PARP4: variants seen among roughly 807,000 people sequenced by gnomAD.
PARP4 encodes the protein poly(ADP-ribose) polymerase family member 4, also known as protein mono-ADP-ribosyltransferase PARP4.
PARP4 carries 120 observed loss-of-function variants against 187.7 expected under a neutral mutation model. The observed-to-expected ratio is 0.64, with a 90% CI of 0.55 to 0.74. The LOEUF is 0.74. Among genes scored for constraint, PARP4 ranks in the 30% least tolerant of loss-of-function variants. The probability of loss-of-function intolerance (pLI) is 0.00; values close to 1 mark genes in which losing one functional copy is unlikely to be tolerated. For missense variants in PARP4, 1,836 were observed against 2,070.5 expected, an observed-to-expected ratio of 0.89 and a Z score of 2.20; for synonymous variants, 654 against 740.9, an observed-to-expected ratio of 0.88 and a Z score of 1.90.
At chr13:24,447,766 A>G (rs1871284083) in intron 25 of PARP4, among the ~76,000 whole-genome samples, 1 of 152,262 alleles carries the variant, frequency 6.6e-6, no homozygotes, top group South Asian at 2.1e-4. Context: ...AGTAGATTCC[A>G]GTACTTGAAT....
chr13:24,431,483 A>T lies in PARP4; in HGVS notation c.4747-7T>A, dbSNP rs940472484. On this transcript the variant is annotated splice_region_variant and splice_polypyrimidine_tract_variant and intron_variant, in intron 31 of 33. Coordinates refer to ENST00000381989, the MANE Select transcript of PARP4 (RefSeq NM_006437.4). ...TAAGTTTCCAGAAGCCATCCTACAA[A>T]ATTAAGGAAACAAAAATAAGTTATG... The T allele has an allele frequency of 2.0e-6, 3 of 1,530,096 alleles. No homozygotes were observed. Among genetic ancestry groups the T allele is most frequent in the Non-Finnish European group, 1.8e-6 (2 of 1,116,530 alleles). The allele number at this position is 1,530,096 out of a possible 1,614,324, so 94.8% of individuals were successfully genotyped here. A position where few individuals can be genotyped will look rare whatever the true frequency, so the allele number is the denominator to read the frequency against.
chr13:24,469,775 T>C, intron 16 of PARP4, 119 bp downstream of exon 16: 2 of 1,059,424 alleles, frequency 1.9e-6, no homozygotes, highest in Non-Finnish European at 2.7e-6. Context: ...AATATTCTCG[T>C]TTTATGATAA....
chr13:24,461,898 C>G (rs569481171), intron 17 of PARP4, among the ~76,000 whole-genome samples: 2 of 152,296 alleles, frequency 1.3e-5, no homozygotes, highest in South Asian at 4.1e-4. Context: ...AAACAGCCAC[C>G]TCCCCATGGG....
At chr13:24,480,808 G>A (rs943743350) in intron 12 of PARP4, among the ~76,000 whole-genome samples, 8 of 152,324 alleles carry the variant, frequency 5.3e-5, no homozygotes, top group Middle Eastern at 3.4e-3. Flanking sequence ...TCTCTATAAC[G>A]TAACAATGGA....
intron 25 of PARP4, among the ~76,000 whole-genome samples, chr13:24,448,300 C>G (rs1296469152): frequency 6.6e-6 from 1 of 152,052 alleles, no homozygotes; most frequent in African/African-American, 2.4e-5. Flanking sequence ...CCCAGCTACT[C>G]TGGAGGCTGA....
At chr13:24,500,036 A>AC (rs1869183710) in intron 4 of PARP4, among the ~76,000 whole-genome samples, 1 of 103,000 alleles carries the variant, frequency 9.7e-6, no homozygotes, top group Non-Finnish European at 2.1e-5. Flanking sequence ...GGATGAAAAT[A>AC]GGTTTTTTTT....
chr13:24,423,978 C>A (rs1266349671), intron 33 of PARP4, among the ~76,000 whole-genome samples: 1 of 151,968 alleles, frequency 6.6e-6, no homozygotes, highest in Non-Finnish European at 1.5e-5. Context: ...TGGGTAATTA[C>A]AAAAAGTTTT....
chr13:24,453,981 T>C (rs185033049), intron 22 of PARP4, among the ~76,000 whole-genome samples: 4 of 151,250 alleles, frequency 2.6e-5, no homozygotes, highest in Non-Finnish European at 5.9e-5. Context: ...CTGGGTGTGG[T>C]GGTGAGCACT....
intron 6 of PARP4, 21 bp from the exon 7 acceptor site, chr13:24,494,743 C>T (rs201913910): frequency 6.4e-7 from 1 of 1,556,002 alleles, no homozygotes; most frequent in East Asian, 2.3e-5. Context: ...TGGTGTATAG[C>T]AAAAGTACAG....
intron 30 of PARP4, among the ~76,000 whole-genome samples, chr13:24,439,451 T>C (rs1478317406): frequency 6.6e-6 from 1 of 152,068 alleles, no homozygotes; most frequent in Non-Finnish European, 1.5e-5. Context: ...TTATCTGATC[T>C]ATGGCCTATA....
chr13:24,507,708 T>G (rs1364792737), intron 1 of PARP4, among the ~76,000 whole-genome samples: 1 of 152,258 alleles, frequency 6.6e-6, no homozygotes, highest in Non-Finnish European at 1.5e-5. Context: ...GGAAACTTGT[T>G]GTTTTTAAAT....
At chr13:24,468,788 T>C (rs1416459558) in intron 17 of PARP4, among the ~76,000 whole-genome samples, 1 of 152,156 alleles carries the variant, frequency 6.6e-6, no homozygotes, top group African/African-American at 2.4e-5. Context: ...GGAAACTCAG[T>C]TCCCAATGAC....
At chr13:24,442,324 C>T (rs772921460) in intron 29 of PARP4, among the ~76,000 whole-genome samples, 62 of 152,356 alleles carry the variant, frequency 4.1e-4, no homozygotes, top group Middle Eastern at 3.4e-3. Context: ...ATAGTATAAC[C>T]GAAAAGTACA....
intron 25 of PARP4, among the ~76,000 whole-genome samples, chr13:24,448,085 C>T (rs112058149): frequency 0.052 from 7,904 of 151,952 alleles, 595 homozygotes; most frequent in African/African-American, 0.17. Context: ...GTGGTGTGGG[C>T]CTGTTGTCCC....
chr13:24,493,306 C>A (rs1235318185), intron 8 of PARP4, among the ~76,000 whole-genome samples: 1 of 152,196 alleles, frequency 6.6e-6, no homozygotes, highest in African/African-American at 2.4e-5. Flanking sequence ...CAGCTTCCTG[C>A]AAGCCTCTTG....
At chr13:24,506,397 G>C (rs890935562) in intron 1 of PARP4, among the ~76,000 whole-genome samples, 2 of 152,246 alleles carry the variant, frequency 1.3e-5, no homozygotes, top group South Asian at 2.1e-4. Context: ...GCGTGGAAGA[G>C]GACCCCAGCA....
chr13:24,430,584 G>A (rs1475884704), intron 32 of PARP4, among the ~76,000 whole-genome samples: 3 of 151,736 alleles, frequency 2.0e-5, no homozygotes, highest in African/African-American at 7.3e-5. Flanking sequence ...AGCCTGGGAG[G>A]TAGAAGTTGC....
At chr13:24,460,619 CA>C (rs1872174059) in intron 17 of PARP4, among the ~76,000 whole-genome samples, 1 of 152,220 alleles carries the variant, frequency 6.6e-6, no homozygotes, top group South Asian at 2.1e-4. Flanking sequence ...AGAACCAGGG[CA>C]GTTTTTTCTA....
chr13:24,458,980 T>C lies in PARP4; in HGVS notation c.2424+64A>G, dbSNP rs909430862. 1.1e-5 allele frequency: 13 copies of C among 1,147,860 alleles called. No homozygotes were observed. The African/African-American group carries it at 1.7e-4, about 15-fold the overall frequency. 71.1% of individuals were successfully genotyped at this position (1,147,860 alleles called of 1,614,324 possible). A position where few individuals can be genotyped will look rare whatever the true frequency, so the allele number is the denominator to read the frequency against. On this transcript the variant is annotated intron_variant, in intron 20 of 33. Coordinates refer to ENST00000381989, the MANE Select transcript of PARP4 (RefSeq NM_006437.4). Reference sequence around the variant, plus strand: ...TTCACTTTTCAACCACGTGCATACATTGCTTTGATAAGATAAAAGTAGTGT... The same window carrying C: ...TTCACTTTTCAACCACGTGCATACACTGCTTTGATAAGATAAAAGTAGTGT...
Sources: allele counts gnomAD v4.1 joint callset (sites outside exome capture counted in the v4.1 genomes callset), GRCh38; gene constraint gnomAD v4.1.1; transcripts MANE v1.5; gene names NCBI Gene and HGNC (gene_info 2026-07-23, HGNC 2026-07-21).